Variants in IFT81 observed in about 807,000 individuals in gnomAD.
IFT81 encodes the protein intraflagellar transport 81.
In IFT81, 72 loss-of-function variants were observed where a neutral mutation model predicts 102.6. The ratio of observed to expected loss-of-function variants is 0.70; its 90% confidence interval spans 0.58 to 0.85. IFT81 has a LOEUF of 0.85. Among genes scored for constraint, IFT81 ranks in the 40% least tolerant of loss-of-function variants. The pLI is 0.00. For synonymous variants in IFT81, 237 were observed against 242.7 expected, an observed-to-expected ratio of 0.98 and a Z score of 0.22; for missense variants, 723 against 787.3, an observed-to-expected ratio of 0.92 and a Z score of 0.98.
Position 110,136,778 on chromosome 12 carries a change from A to G in IFT81, c.699A>G (p.Leu233=), listed in dbSNP as rs1894536470. The change falls in exon 8 of 19, where the codon CTA becomes CTG. Residue 233 remains leucine (L), a splice_region_variant and synonymous_variant. Transcript: ENST00000242591. ...AQQKQEQKNQ[L]FHAVQRLQRV... ...ATCTATTTAATTGTATTTTAAAGCTATTTCATGCAGTGCAAAGATTGCAAA... is the reference window on the plus strand; with the variant it reads ...ATCTATTTAATTGTATTTTAAAGCTGTTTCATGCAGTGCAAAGATTGCAAA... 2 of 1,600,910 alleles carry G rather than the reference A, an allele frequency of 1.2e-6. No homozygotes were observed. Among genetic ancestry groups the G allele is most frequent in the Non-Finnish European group, 1.7e-6 (2 of 1,169,834 alleles).
intron 4 of IFT81, among the ~76,000 whole-genome samples, chr12:110,131,427 A>G (rs938204480): frequency 6.6e-6 from 1 of 150,566 alleles, no homozygotes; most frequent in Non-Finnish European, 1.5e-5. Context: ...GCTCACTGCA[A>G]CCTCCACTTC....
At chr12:110,209,031 A>G (rs1304431680) in intron 17 of IFT81, 140 bp from the exon 18 acceptor site, 2 of 411,064 alleles carry the variant, frequency 4.9e-6, no homozygotes, top group Non-Finnish European at 8.9e-6. Context: ...AAAGAATTTT[A>G]TAATGGGTTT....
intron 5 of IFT81, among the ~76,000 whole-genome samples, chr12:110,133,459 GA>G (rs10710074): frequency 0.76 from 100,678 of 133,310 alleles, 37,706 homozygotes; most frequent in African/African-American, 0.9. Flanking sequence ...TCTGTCTCCA[GA>G]AAAAAAAAAA....
At chr12:110,150,351 A>G (rs1279650827) in intron 10 of IFT81, among the ~76,000 whole-genome samples, 1 of 152,098 alleles carries the variant, frequency 6.6e-6, no homozygotes, top group Admixed American at 6.6e-5. Flanking sequence ...TGCTGGAATT[A>G]CAGGTGTGAG....
chr12:110,185,248 C>T (rs779700558), intron 12 of IFT81, among the ~76,000 whole-genome samples: 2 of 151,980 alleles, frequency 1.3e-5, no homozygotes, highest in African/African-American at 4.8e-5. Context: ...TGCAGTGGCA[C>T]GATCTCAGCT....
chr12:110,169,081 C>G (rs1295796733), intron 11 of IFT81: 1 of 123,768 alleles, frequency 8.1e-6, no homozygotes, highest in African/African-American at 3.2e-5. Flanking sequence ...TCCTTCCTTC[C>G]TCTCTCTCTC....
intron 18 of IFT81, among the ~76,000 whole-genome samples, chr12:110,213,882 C>G (rs867642967): frequency 6.6e-6 from 1 of 152,094 alleles, no homozygotes; most frequent in Non-Finnish European, 1.5e-5. Flanking sequence ...TGAAAAAATC[C>G]TAGTAGACTT....
chr12:110,213,327 A>G (rs1017714306), intron 18 of IFT81, among the ~76,000 whole-genome samples: 6 of 152,082 alleles, frequency 3.9e-5, no homozygotes, highest in African/African-American at 1.4e-4. Flanking sequence ...TGGGTTTTCA[A>G]CATTTTGAAC....
intron 10 of IFT81, 94 bp downstream of exon 10, chr12:110,147,142 T>A: frequency 1.1e-6 from 1 of 936,206 alleles, no homozygotes; most frequent in Non-Finnish European, 1.6e-6. Context: ...GAGAAGGAAG[T>A]AGAGAATAAA....
At chr12:110,161,231 C>G (rs1027254046) in intron 10 of IFT81, among the ~76,000 whole-genome samples, 1 of 151,012 alleles carries the variant, frequency 6.6e-6, no homozygotes, top group Non-Finnish European at 1.5e-5. Flanking sequence ...GCCTCTGCCT[C>G]CCAGGTTCAA....
chr12:110,174,740 G>A (rs186807300), intron 11 of IFT81, among the ~76,000 whole-genome samples: 73 of 152,196 alleles, frequency 4.8e-4, no homozygotes, highest in African/African-American at 1.7e-3. Context: ...ACAAAAGCTA[G>A]CCCAGATTCT....
At chr12:110,152,196 C>T (rs1475488049) in intron 10 of IFT81, among the ~76,000 whole-genome samples, 1 of 152,116 alleles carries the variant, frequency 6.6e-6, no homozygotes, top group Non-Finnish European at 1.5e-5. Context: ...GGATTATATG[C>T]TAGCTCTATT....
intron 14 of IFT81, among the ~76,000 whole-genome samples, chr12:110,197,951 A>G (rs1219752971): frequency 6.6e-6 from 1 of 152,098 alleles, no homozygotes; most frequent in African/African-American, 2.4e-5. Context: ...ACCTTAGGTG[A>G]TCCGCCCGCC....
At position 110,203,997 on chromosome 12, in the gene IFT81, G is replaced by A. The variant is rs1375773332; in HGVS notation, c.1644+47G>A. On this transcript the variant is annotated intron_variant, in intron 15 of 18. Coordinates refer to ENST00000242591, the MANE Select transcript of IFT81 (RefSeq NM_014055.4). ...TAACAATTTAGCAAAAACTACCTGT[G>A]TGTACACCTGTAGTCCCAGCTACTC... 6 of 1,182,272 alleles carry A rather than the reference G, an allele frequency of 5.1e-6. No individual in the cohort carries two copies. In the Admixed American group the frequency reaches 5.9e-5, roughly 12 times the overall value. 73.2% of individuals were successfully genotyped at this position (1,182,272 alleles called of 1,614,324 possible).
At chr12:110,188,795 G>A (rs1221540603) in intron 12 of IFT81, among the ~76,000 whole-genome samples, 1 of 151,684 alleles carries the variant, frequency 6.6e-6, no homozygotes, top group African/African-American at 2.4e-5. Context: ...TAGGCATAGT[G>A]GCACGCGCCT....
chr12:110,148,233 T>C (rs538184284), intron 10 of IFT81, among the ~76,000 whole-genome samples: 3 of 152,146 alleles, frequency 2.0e-5, no homozygotes, highest in South Asian at 2.1e-4. Flanking sequence ...TATGGTGTTG[T>C]TTTACCATGT....
At chr12:110,162,242 G>A (rs1411142480) in intron 10 of IFT81, 2 of 151,676 alleles carry the variant, frequency 1.3e-5, no homozygotes, top group East Asian at 1.9e-4. Context: ...GTAAAAATAC[G>A]GTAGACTTGG....
chr12:110,165,946 A>G (rs1266328336), intron 11 of IFT81, among the ~76,000 whole-genome samples: 12 of 152,336 alleles, frequency 7.9e-5, no homozygotes, highest in Non-Finnish European at 1.5e-5. Flanking sequence ...TATGTTAACT[A>G]TGTGTGTCAG....
intron 8 of IFT81, among the ~76,000 whole-genome samples, chr12:110,139,220 C>CA (rs1466297341): frequency 6.6e-6 from 1 of 150,662 alleles, no homozygotes; most frequent in East Asian, 2.0e-4. Context: ...GCTTGTAGTC[C>CA]AGCTACTTTG....
Sources: gnomAD v4.1 joint callset for allele counts (sites outside exome capture counted in the v4.1 genomes callset) on GRCh38, gnomAD v4.1.1 for gene constraint, MANE v1.5 for transcripts, NCBI Gene and HGNC (gene_info 2026-07-23, HGNC 2026-07-21) for gene names.